Variants in NFIX observed in about 807,000 individuals in gnomAD.
NFIX encodes nuclear factor 1 X-type.
In NFIX, 2 loss-of-function variants were observed where a neutral mutation model predicts 53.3. The ratio of observed to expected loss-of-function variants is 0.04; its 90% CI spans 0.02 to 0.12. The LOEUF is 0.12. Among genes scored for constraint, NFIX ranks in the 10% least tolerant of loss-of-function variants. NFIX has a pLI of 1.00. For missense variants in NFIX, 310 were observed against 674.5 expected, an observed-to-expected ratio of 0.46 and a Z score of 5.99; for synonymous variants, 244 against 289.0, an observed-to-expected ratio of 0.84 and a Z score of 1.58.
At position 13,013,208 on chromosome 19, in the gene NFIX, G is replaced by T. The variant is rs187096329; in HGVS notation, c.28-11813G>T. ...TACCAGCCCTTTTGCAGCACTTCCT[G>T]GGCAGGCCAGGGGAGAGGACGGAAA... On this transcript the variant is annotated intron_variant, in intron 1 of 10. Coordinates refer to ENST00000592199, the MANE Select transcript of NFIX (RefSeq NM_001365902.3). This position sits in a 1 kb window ranked among gnomAD's most constrained non-coding sequence, Gnocchi z 5.9. Among the ~76,000 whole-genome samples the T allele has an allele frequency of 9.2e-5, 14 of 152,176 alleles. No individual in the cohort carries two copies. In the East Asian group the frequency reaches 2.7e-3, roughly 29 times the overall value.
intron 2 of NFIX, chr19:13,070,840 C>G (rs2016732607): frequency 6.6e-6 from 1 of 152,356 alleles, no homozygotes; most frequent in African/African-American, 2.4e-5. Flanking sequence ...CTGTCGCGCT[C>G]TCCTGGAGCC....
chr19:13,029,580 G>T (rs140174495), intron 2 of NFIX, among the ~76,000 whole-genome samples: 5 of 152,120 alleles, frequency 3.3e-5, no homozygotes, highest in African/African-American at 9.7e-5. Flanking sequence ...TTTGTCCTGT[G>T]GGGTTTCCTC....
intron 2 of NFIX, among the ~76,000 whole-genome samples, chr19:13,069,267 C>T (rs1310383850): frequency 6.6e-6 from 1 of 152,216 alleles, no homozygotes; most frequent in Non-Finnish European, 1.5e-5. Context: ...TCCCCACTGG[C>T]TGGCAAGCAG....
intron 1 of NFIX, among the ~76,000 whole-genome samples, chr19:13,020,313 G>C (rs2145176593): frequency 6.6e-6 from 1 of 152,358 alleles, no homozygotes; most frequent in Non-Finnish European, 1.5e-5. Context: ...TGGCATGCAG[G>C]AGGAGGGGGC....
chr19:13,019,283 G>A (rs1208626706), intron 1 of NFIX, among the ~76,000 whole-genome samples: 1 of 152,156 alleles, frequency 6.6e-6, no homozygotes, highest in Non-Finnish European at 1.5e-5. Context: ...TTTTAACACT[G>A]TATATGTGAG....
chr19:13,028,266 A>T lies in NFIX; in HGVS notation c.559+2714A>T, dbSNP rs189868073. Reference sequence around the variant, plus strand: ...CCTTCCAGGATGATAAACTGGGGACAGGGGCCGGGATGGCACAGGCTCAGA... The same window carrying T: ...CCTTCCAGGATGATAAACTGGGGACTGGGGCCGGGATGGCACAGGCTCAGA... On this transcript the variant is annotated intron_variant, in intron 2 of 10. Coordinates refer to ENST00000592199, the MANE Select transcript of NFIX (RefSeq NM_001365902.3). The surrounding 1 kb of genome is among the most constrained non-coding windows in gnomAD (Gnocchi z 4.2). Among the ~76,000 whole-genome samples, 321 of 152,368 alleles carry T rather than the reference A, an allele frequency of 2.1e-3. 2 individuals are homozygous for T. The highest frequency in any genetic ancestry group is 0.017 in the Middle Eastern group (5 of 294).
intron 2 of NFIX, among the ~76,000 whole-genome samples, chr19:13,029,688 G>T (rs145319644): frequency 6.6e-6 from 1 of 152,106 alleles, no homozygotes; most frequent in Non-Finnish European, 1.5e-5. Context: ...TTCAGGTCCC[G>T]GGACAGCTGA....
chr19:13,005,863 C>A lies in NFIX; in HGVS notation c.27+9999C>A, dbSNP rs920855693. On this transcript the variant is annotated intron_variant, in intron 1 of 10. Transcript: ENST00000592199. The surrounding 1 kb of genome is among the most constrained non-coding windows in gnomAD (Gnocchi z 4.7). ...ATAAAGGTGGATGGTGGTCTCACCC[C>A]CTCTGCACCCCTGCTGGCCAGGCTT... Among the ~76,000 whole-genome samples, 2 of 152,194 alleles carry A rather than the reference C, an allele frequency of 1.3e-5. No individual in the cohort carries two copies. The highest frequency in any genetic ancestry group is 1.3e-4 in the Admixed American group (2 of 15,278).
intron 1 of NFIX, among the ~76,000 whole-genome samples, chr19:13,019,618 C>CA (rs1390114585): frequency 1.3e-5 from 2 of 151,612 alleles, no homozygotes; most frequent in Non-Finnish European, 2.9e-5. Flanking sequence ...GTGGCCCTTT[C>CA]AGTCTTTTTC....
chr19:13,046,465 T>C (rs981452927), intron 2 of NFIX, among the ~76,000 whole-genome samples: 4 of 150,634 alleles, frequency 2.7e-5, no homozygotes, highest in Non-Finnish European at 5.9e-5. Flanking sequence ...CGCGTTGCCT[T>C]CCCCCCCCCT....
intron 2 of NFIX, among the ~76,000 whole-genome samples, chr19:13,042,831 C>A (rs1048803040): frequency 4.3e-5 from 6 of 139,532 alleles, no homozygotes; most frequent in Non-Finnish European, 6.1e-5. Context: ...GTATTTGTTA[C>A]CTTCAGCTAA....
At chr19:13,079,399 G>A (rs1052416260) in intron 7 of NFIX, among the ~76,000 whole-genome samples, 3 of 152,218 alleles carry the variant, frequency 2.0e-5, no homozygotes, top group Non-Finnish European at 2.9e-5. Flanking sequence ...CACCTAGATC[G>A]CCCTGAGGAG....
Position 13,028,950 on chromosome 19 carries a change from A to AT in NFIX, c.559+3399dup, listed in dbSNP as rs1473013153. Among the ~76,000 whole-genome samples the AT allele has an allele frequency of 6.6e-6, 1 of 152,110 alleles. No homozygotes were observed. Among genetic ancestry groups the AT allele is most frequent in the Non-Finnish European group, 1.5e-5 (1 of 68,016 alleles). On this transcript the variant is annotated intron_variant, in intron 2 of 10. Transcript: ENST00000592199. The surrounding 1 kb of genome is among the most constrained non-coding windows in gnomAD (Gnocchi z 4.2). ...TTGGTCCTAGGAAAGAAAAAAAAAA[A>AT]TCCAAAGCTAACAAAATACTTGAGC...
At chr19:13,023,070 T>TCTCTCTCTCTC (rs2013036703) in intron 1 of NFIX, among the ~76,000 whole-genome samples, 4 of 138,124 alleles carry the variant, frequency 2.9e-5, no homozygotes, top group African/African-American at 1.2e-4. Context: ...TTCTCTCTCT[T>TCTCTCTCTCTC]TCTCTCTCTC....
rs2018001827 is a variant in NFIX, at chr19:13,089,403, G to A, written c.1403-896G>A. ...CAGCAGGGCTCCATCTGGACAACCT[G>A]AGAGGAACTCAGGGCTGTTGAGATC... On this transcript the variant is annotated intron_variant, in intron 9 of 10. Transcript: ENST00000592199. This position sits in a 1 kb window ranked among gnomAD's most constrained non-coding sequence, Gnocchi z 4.8. Among the ~76,000 whole-genome samples the A allele has an allele frequency of 6.6e-6, 1 of 152,196 alleles. No homozygotes were observed. Among genetic ancestry groups the A allele is most frequent in the African/African-American group, 2.4e-5 (1 of 41,438 alleles).
At chr19:13,032,683 T>TGGGAATGG (rs2013903743) in intron 2 of NFIX, among the ~76,000 whole-genome samples, 1 of 152,128 alleles carries the variant, frequency 6.6e-6, no homozygotes, top group South Asian at 2.1e-4. Flanking sequence ...GGTGTCTTCC[T>TGGGAATGG]GGGAATGGTG....
At chr19:13,023,301 G>C (rs569877347) in intron 1 of NFIX, among the ~76,000 whole-genome samples, 1 of 149,778 alleles carries the variant, frequency 6.7e-6, no homozygotes, top group Non-Finnish European at 1.5e-5. Context: ...CTCGATCCTC[G>C]ATCTCTCCCT....
Position 13,093,399 on chromosome 19 carries a change from T to G in NFIX, c.1495-1236T>G, listed in dbSNP as rs2018256132. Among the ~76,000 whole-genome samples, 1 of 152,262 alleles carries G rather than the reference T, an allele frequency of 6.6e-6. No homozygotes were observed. The highest frequency in any genetic ancestry group is 6.5e-5 in the Admixed American group (1 of 15,292). ...AAATTCTGTTTGGGCTTCTGGCTTC[T>G]TTTGAAAAGTTGGCAGATGAGCTGC... On this transcript the variant is annotated intron_variant, in intron 10 of 10. Coordinates refer to ENST00000592199, the MANE Select transcript of NFIX (RefSeq NM_001365902.3). This position sits in a 1 kb window ranked among gnomAD's most constrained non-coding sequence, Gnocchi z 4.7.
rs1406886743 is a variant in NFIX, at chr19:13,089,645, C to T, written c.1403-654C>T. Among the ~76,000 whole-genome samples, 1 of 152,242 alleles carries T rather than the reference C, an allele frequency of 6.6e-6. No individual in the cohort carries two copies. Among genetic ancestry groups the T allele is most frequent in the Admixed American group, 6.5e-5 (1 of 15,294 alleles). ...CCAGCTCCTAGGCCCTTCTCTGACC[C>T]TGCCCTACCTGGCTCAGACCTCCAT... On this transcript the variant is annotated intron_variant, in intron 9 of 10. Transcript: ENST00000592199. This position sits in a 1 kb window ranked among gnomAD's most constrained non-coding sequence, Gnocchi z 4.8.
Sources: gnomAD v4.1 joint callset for allele counts (sites outside exome capture counted in the v4.1 genomes callset) on GRCh38, gnomAD v4.1.1 for gene constraint, Gnocchi (gnomAD v3.1) non-coding constraint, MANE v1.5 for transcripts, NCBI Gene and HGNC (gene_info 2026-07-23, HGNC 2026-07-21) for gene names.